The following MYH14 variants were observed in gnomAD, a reference collection of about 807,000 sequenced individuals.
The protein encoded by MYH14 is myosin-14.
A neutral mutation model predicts 255.5 loss-of-function variants in MYH14; 123 were observed. That is an observed-to-expected ratio of 0.48 (90% CI 0.42 to 0.56). MYH14 has a LOEUF of 0.56. Among genes scored for constraint, MYH14 ranks in the 20% least tolerant of loss-of-function variants. The pLI is 0.00. For missense variants in MYH14, 2,423 were observed against 2,802.3 expected (o/e 0.86, Z 3.06); for synonymous variants, 1,095 against 1,161.2 (o/e 0.94, Z 1.16).
chr19:50,232,235 G>A (rs1192528004), intron 10 of MYH14, among the ~76,000 whole-genome samples, 165 bp downstream of exon 10: 2 of 152,238 alleles, frequency 1.3e-5, no homozygotes, highest in African/African-American at 4.8e-5. Flanking sequence ...TCTCTGCCTT[G>A]AGGAAGCTGA....
At chr19:50,254,696 C>T (rs2034527403) in intron 16 of MYH14, among the ~76,000 whole-genome samples, 2 of 152,200 alleles carry the variant, frequency 1.3e-5, no homozygotes, top group South Asian at 4.1e-4. Flanking sequence ...AGCTGCAAGA[C>T]ACAGGCAAAG....
chr19:50,292,167 AGCT>A, intron 36 of MYH14, 91 bp from the exon 37 acceptor site: 1 of 1,299,180 alleles, frequency 7.7e-7, no homozygotes, highest in South Asian at 1.7e-5. Flanking sequence ...TGTTCACGGG[AGCT>A]GAGGAGCCCC....
intron 10 of MYH14, among the ~76,000 whole-genome samples, chr19:50,238,851 T>G (rs2033774255): frequency 6.6e-6 from 1 of 152,124 alleles, no homozygotes; most frequent in South Asian, 2.1e-4. Flanking sequence ...TTGGGGTCTG[T>G]TATTCATCCT....
chr19:50,258,158 G>C (rs558483295), intron 18 of MYH14, among the ~76,000 whole-genome samples: 1 of 151,920 alleles, frequency 6.6e-6, no homozygotes, highest in Admixed American at 6.6e-5. Flanking sequence ...TCGAACTCCT[G>C]AGCTCAAGCG....
intron 1 of MYH14, among the ~76,000 whole-genome samples, chr19:50,208,185 C>T (rs373994415): frequency 6.6e-6 from 1 of 152,166 alleles, no homozygotes; most frequent in Non-Finnish European, 1.5e-5. Context: ...GAGGCCCAGG[C>T]GGGCGGATCA....
chr19:50,213,775 T>G (rs1012264563), intron 2 of MYH14, among the ~76,000 whole-genome samples: 2 of 152,172 alleles, frequency 1.3e-5, no homozygotes, highest in Non-Finnish European at 2.9e-5. Context: ...CAGAAGCTGA[T>G]AGTGGCTAAA....
chr19:50,295,472 T>G (rs940978728), intron 39 of MYH14, among the ~76,000 whole-genome samples: 12 of 151,914 alleles, frequency 7.9e-5, no homozygotes, highest in Non-Finnish European at 5.9e-5. Flanking sequence ...TGAGACCCCA[T>G]CTCTACAAAA....
chr19:50,261,666 G>C, intron 21 of MYH14, 31 bp downstream of exon 21: 1 of 1,553,092 alleles, frequency 6.4e-7, no homozygotes, highest in Non-Finnish European at 8.7e-7. Context: ...CCGGGGTCCT[G>C]TTGGCCGAGA....
intron 34 of MYH14, among the ~76,000 whole-genome samples, chr19:50,288,442 G>A (rs144237055): frequency 5.2e-4 from 79 of 152,276 alleles, no homozygotes; most frequent in African/African-American, 1.8e-3. Flanking sequence ...GTTAAGGTCC[G>A]TCCCTTGGGA....
chr19:50,302,678 A>G (rs1270145978), intron 40 of MYH14, among the ~76,000 whole-genome samples: 1 of 152,202 alleles, frequency 6.6e-6, no homozygotes, highest in Non-Finnish European at 1.5e-5. Flanking sequence ...AGGCGGGCAG[A>G]TCACCTGAGG....
In MYH14 at chr19:50,217,629, T is replaced by C. The variant is rs761396316; in HGVS notation, c.420T>C (p.Leu140=). 18 of 1,613,884 alleles carry C rather than the reference T, an allele frequency of 1.1e-5. No homozygotes were observed. The highest frequency in any genetic ancestry group is 1.4e-5 in the Non-Finnish European group (16 of 1,179,906). ...YSGLIYTYSG[L]FCVVINPYKQ... The stretch of plus-strand genomic sequence containing the variant: ...ACCCACTGCAGACGTACTCCGGCCT[T>C]TTCTGTGTGGTCATCAACCCGTACA... The change falls in exon 3 of 43, where the codon CTT becomes CTC. Residue 140 remains leucine, a synonymous_variant. Coordinates refer to ENST00000642316, the MANE Select transcript of MYH14 (RefSeq NM_001145809.2).
chr19:50,228,285 C>CA (rs36078426), intron 8 of MYH14, among the ~76,000 whole-genome samples: 36,550 of 125,776 alleles, frequency 0.29, 5,133 homozygotes, highest in East Asian at 0.37. Flanking sequence ...GACTCTGTGT[C>CA]AAAAAAAAAA....
rs1313096576 is a variant in MYH14 at position 50,250,631 on chromosome 19, G to A, written c.1773G>A (p.Gln591=). ...AQEQGGHPKF[Q]RPRHLRDQAD... ...AGCAGGGCGGCCACCCCAAGTTCCA[G>A]CGGCCGAGGCACCTGCGGGATCAGG... Residue 591 remains glutamine, a synonymous_variant, in exon 15 of 43, where the codon CAG becomes CAA. Transcript: ENST00000642316. This position sits in a 1 kb window ranked among gnomAD's most constrained non-coding sequence, Gnocchi z 5.4. 1 of 1,614,006 alleles carries A rather than the reference G, an allele frequency of 6.2e-7. No individual in the cohort carries two copies. Among genetic ancestry groups the A allele is most frequent in the South Asian group, 1.1e-5 (1 of 91,084 alleles).
intron 39 of MYH14, among the ~76,000 whole-genome samples, chr19:50,299,502 C>T (rs1472254582): frequency 2.3e-5 from 3 of 132,198 alleles, no homozygotes; most frequent in African/African-American, 9.0e-5. Flanking sequence ...TCCTGGGAGG[C>T]AGAGGTTGCA....
Position 50,230,452 on chromosome 19 carries a change from G to T in MYH14, c.875-73G>T, listed in dbSNP as rs2033316263. ...GAGAGAAGGGGGCAGCGTGGGCAGG[G>T]CAGGCTCCTGTAGTGGCCTGGCAGC... is the stretch of plus-strand genomic sequence containing the variant. On this transcript the variant is annotated intron_variant, in intron 8 of 42. Transcript: ENST00000642316. This position sits in a 1 kb window ranked among gnomAD's most constrained non-coding sequence, Gnocchi z 4.7. 7 of 1,320,328 alleles carry T rather than the reference G, an allele frequency of 5.3e-6. No individual in the cohort carries two copies. Among genetic ancestry groups the T allele is most frequent in the Non-Finnish European group, 7.5e-6 (7 of 938,644 alleles). The allele number at this position is 1,320,328 out of a possible 1,614,324, so 81.8% of individuals were successfully genotyped here. A position where few individuals can be genotyped will look rare whatever the true frequency, so the allele number is the denominator to read the frequency against.
chr19:50,275,767 A>G (rs2035480347), intron 27 of MYH14, among the ~76,000 whole-genome samples: 1 of 152,222 alleles, frequency 6.6e-6, no homozygotes, highest in Non-Finnish European at 1.5e-5. Context: ...TTGAGGCTGC[A>G]GTGAGCCGTG....
intron 6 of MYH14, among the ~76,000 whole-genome samples, 155 bp from the exon 7 acceptor site, chr19:50,225,430 C>G (rs1485305585): frequency 2.0e-5 from 3 of 152,194 alleles, no homozygotes; most frequent in African/African-American, 4.8e-5. Context: ...GACAGATGGG[C>G]AAGACCCGGA....
In MYH14 at chr19:50,310,046, T is replaced by TG. The variant is rs1418255216; in HGVS notation, c.*258dup. On this transcript the variant is annotated 3_prime_UTR_variant, in exon 43 of 43. Coordinates refer to ENST00000642316, the MANE Select transcript of MYH14 (RefSeq NM_001145809.2). ...TGCTTGTTGGGGGACTGGGTACAGT[T>TG]GGCAAGCTGTGTTTCCATCAGCTCC... The TG allele has an allele frequency of 1.7e-6, 1 of 586,098 alleles. No individual in the cohort carries two copies. The highest frequency in any genetic ancestry group is 3.0e-6 in the Non-Finnish European group (1 of 330,888). The allele number at this position is 586,098 out of a possible 1,614,324, so 36.3% of individuals were successfully genotyped here. A position where few individuals can be genotyped will look rare whatever the true frequency, so the allele number is the denominator to read the frequency against.
chr19:50,281,539 C>T, intron 32 of MYH14, 55 bp from the exon 33 acceptor site: 1 of 1,521,552 alleles, frequency 6.6e-7, no homozygotes, highest in South Asian at 1.3e-5. Context: ...CACCAGCTTA[C>T]ACCTTGGTCA....
Sources: gnomAD v4.1 joint callset for allele counts (sites outside exome capture counted in the v4.1 genomes callset) on GRCh38, gnomAD v4.1.1 for gene constraint, Gnocchi (gnomAD v3.1) non-coding constraint, MANE v1.5 for transcripts, NCBI Gene and HGNC (gene_info 2026-07-23, HGNC 2026-07-21) for gene names.